Variants in RAB3C observed in about 807,000 individuals in gnomAD.
RAB3C encodes RAB3C, member RAS oncogene family.
RAB3C carries 17 observed loss-of-function variants against 26.4 expected under a neutral mutation model. The ratio of observed to expected loss-of-function variants is 0.64; its 90% CI spans 0.44 to 0.97. The LOEUF (loss-of-function observed/expected upper bound fraction) is 0.97, where lower values mean the gene tolerates loss of function less well. Ranked by LOEUF, RAB3C falls within the 50% of genes least tolerant of loss-of-function variation. RAB3C has a pLI of 0.00. For synonymous variants in RAB3C, 91 were observed against 95.9 expected (o/e 0.95, Z 0.30); for missense variants, 242 against 281.9 (o/e 0.86, Z 1.01).
chr5:58,833,273 G>A (rs1743658156), intron 4 of RAB3C, among the ~76,000 whole-genome samples: 1 of 150,574 alleles, frequency 6.6e-6, no homozygotes, highest in South Asian at 2.1e-4. Context: ...CACCCTGGCT[G>A]TACATTCGAA....
chr5:58,749,432 A>G (rs292958), intron 3 of RAB3C, among the ~76,000 whole-genome samples: 28,541 of 152,112 alleles, frequency 0.19, 2,810 homozygotes, highest in East Asian at 0.3. Flanking sequence ...ACAAAAGAAA[A>G]AGACATATAA....
At chr5:58,659,333 C>T (rs1157285420) in intron 2 of RAB3C, among the ~76,000 whole-genome samples, 1 of 152,056 alleles carries the variant, frequency 6.6e-6, no homozygotes, top group Non-Finnish European at 1.5e-5. Flanking sequence ...GAGGTAATGC[C>T]TTCACTATAT....
chr5:58,816,574 G>A (rs1743222941), intron 3 of RAB3C, among the ~76,000 whole-genome samples: 1 of 152,118 alleles, frequency 6.6e-6, no homozygotes, highest in South Asian at 2.1e-4. Context: ...GTAAGGCCTG[G>A]GGGATATAGA....
At chr5:58,756,301 T>C (rs1741654690) in intron 3 of RAB3C, among the ~76,000 whole-genome samples, 1 of 145,898 alleles carries the variant, frequency 6.9e-6, no homozygotes, top group African/African-American at 2.5e-5. Context: ...GATATTCTCT[T>C]ACTTAGCCCC....
chr5:58,821,616 A>T (rs1579937470), intron 3 of RAB3C, among the ~76,000 whole-genome samples: 1 of 152,194 alleles, frequency 6.6e-6, no homozygotes, highest in East Asian at 1.9e-4. Context: ...TATATTATTA[A>T]CTTAGGTATC....
chr5:58,762,992 A>G (rs1741829238), intron 3 of RAB3C, among the ~76,000 whole-genome samples: 1 of 152,262 alleles, frequency 6.6e-6, no homozygotes, highest in African/African-American at 2.4e-5. Context: ...AAAACAGTAT[A>G]AATTTACATG....
intron 2 of RAB3C, among the ~76,000 whole-genome samples, chr5:58,690,326 GT>G (rs895054057): frequency 6.6e-6 from 1 of 152,056 alleles, no homozygotes; most frequent in Non-Finnish European, 1.5e-5. Flanking sequence ...CCAAAACTAA[GT>G]TTTAGGCTTA....
intron 1 of RAB3C, among the ~76,000 whole-genome samples, chr5:58,594,440 G>T (rs1029403610): frequency 2.6e-5 from 4 of 152,168 alleles, no homozygotes; most frequent in Admixed American, 1.3e-4. Flanking sequence ...GGGTGGGTTT[G>T]TTCTTTGTAA....
intron 2 of RAB3C, among the ~76,000 whole-genome samples, chr5:58,648,836 A>G (rs932294699): frequency 6.6e-6 from 1 of 152,146 alleles, no homozygotes; most frequent in Admixed American, 6.5e-5. Context: ...GTAAAGTCCA[A>G]TTCTGATTTT....
intron 3 of RAB3C, among the ~76,000 whole-genome samples, chr5:58,757,378 T>A (rs1238094327): frequency 1.4e-4 from 21 of 151,738 alleles, no homozygotes; most frequent in Admixed American, 1.3e-3. Flanking sequence ...TCTACAACCT[T>A]TCTTTTTATT....
rs1744160183 is a variant in RAB3C at position 58,853,492 on chromosome 5, G to GA, written c.*2145dup. 6.6e-6 allele frequency: 1 copy of GA among 152,164 alleles called. No homozygotes were observed. Among genetic ancestry groups the GA allele is most frequent in the African/African-American group, 2.4e-5 (1 of 41,440 alleles). 9.4% of individuals were successfully genotyped at this position (152,164 alleles called of 1,614,324 possible). On this transcript the variant is annotated 3_prime_UTR_variant, in exon 5 of 5. Coordinates refer to ENST00000282878, the MANE Select transcript of RAB3C (RefSeq NM_138453.4). ...CTTGATGTGTGTATTGTGGTAAAAT[G>GA]AAAAGCAAAATGAGACAGTATTTAA...
At chr5:58,749,070 A>G (rs1267349308) in intron 3 of RAB3C, among the ~76,000 whole-genome samples, 1 of 152,204 alleles carries the variant, frequency 6.6e-6, no homozygotes, top group Admixed American at 6.5e-5. Flanking sequence ...GCCATCAAAC[A>G]TAAACATTAA....
At chr5:58,848,585 A>T (rs1208362200) in intron 4 of RAB3C, 2 of 152,208 alleles carry the variant, frequency 1.3e-5, no homozygotes, top group East Asian at 3.9e-4. Context: ...CTAATGGATA[A>T]AATGAGTTAA....
At chr5:58,759,403 T>C (rs751696374) in intron 3 of RAB3C, among the ~76,000 whole-genome samples, 28 of 152,218 alleles carry the variant, frequency 1.8e-4, no homozygotes, top group Non-Finnish European at 3.2e-4. Flanking sequence ...TAGGCACATA[T>C]ACCTGGATCC....
chr5:58,840,846 T>C (rs1407392986), intron 4 of RAB3C, among the ~76,000 whole-genome samples: 5 of 152,184 alleles, frequency 3.3e-5, no homozygotes, highest in African/African-American at 1.2e-4. Context: ...ATGCACACAG[T>C]GTGCTAGCTA....
At chr5:58,616,049 C>G (rs1377025007) in intron 1 of RAB3C, among the ~76,000 whole-genome samples, 3 of 151,684 alleles carry the variant, frequency 2.0e-5, no homozygotes, top group African/African-American at 7.3e-5. Flanking sequence ...CTAGATGAGG[C>G]TGAGCACTGT....
intron 3 of RAB3C, among the ~76,000 whole-genome samples, chr5:58,762,688 T>C (rs1393361367): frequency 2.0e-5 from 3 of 152,158 alleles, no homozygotes; most frequent in Non-Finnish European, 2.9e-5. Context: ...TGAAACTCCG[T>C]CTCAAAAATA....
chr5:58,822,042 T>A (rs112502592), intron 3 of RAB3C, among the ~76,000 whole-genome samples: 50 of 152,298 alleles, frequency 3.3e-4, no homozygotes, highest in South Asian at 6.2e-4. Flanking sequence ...AACATTTCAA[T>A]ATTTCTCTCC....
intron 2 of RAB3C, among the ~76,000 whole-genome samples, chr5:58,700,696 T>A (rs1292931699): frequency 2.0e-5 from 3 of 152,248 alleles, no homozygotes; most frequent in Non-Finnish European, 4.4e-5. Context: ...TGAAGTTTTT[T>A]AATATGATTA....
Sources: allele counts gnomAD v4.1 joint callset (sites outside exome capture counted in the v4.1 genomes callset), GRCh38; gene constraint gnomAD v4.1.1; transcripts MANE v1.5; gene names NCBI Gene and HGNC (gene_info 2026-07-23, HGNC 2026-07-21).